The following MED17 variants were observed in gnomAD, a reference collection of about 807,000 sequenced individuals.
MED17 encodes the protein mediator of RNA polymerase II transcription subunit 17.
MED17 carries 49 observed loss-of-function variants against 80.8 expected under a neutral mutation model. The ratio of observed to expected loss-of-function variants is 0.61; its 90% CI spans 0.48 to 0.77. The LOEUF is 0.77. MED17 is among the 30% of genes least tolerant of loss of function. The pLI is 0.00. For synonymous variants in MED17, 281 were observed against 280.4 expected (o/e 1.00, Z -0.02); for missense variants, 718 against 787.0 (o/e 0.91, Z 1.05).
chr11:93,793,040 AG>A (rs1394245764), intron 3 of MED17: 2 of 150,130 alleles, frequency 1.3e-5, no homozygotes, highest in Non-Finnish European at 3.0e-5. Flanking sequence ...CAGAGCACTT[AG>A]TTGAAACCTT....
chr11:93,794,011 C>A lies in MED17; in HGVS notation c.835C>A (p.Arg279=). 1.2e-6 allele frequency: 2 copies of A among 1,613,846 alleles called. No homozygotes were observed. The highest frequency in any genetic ancestry group is 1.7e-6 in the Non-Finnish European group (2 of 1,179,890). ...GDLGTVNLFK[R]PLPKSKPGSP... Reference sequence around the variant, plus strand: ...CCTCGGCACAGTTAACCTCTTCAAACGACCTTTGCCCAAATCCAAACCAGG... The same window carrying A: ...CCTCGGCACAGTTAACCTCTTCAAAAGACCTTTGCCCAAATCCAAACCAGG... The change falls in exon 5 of 12, where the codon CGA becomes AGA. Residue 279 remains arginine, a synonymous_variant. Coordinates refer to ENST00000251871, the MANE Select transcript of MED17 (RefSeq NM_004268.5).
At chr11:93,791,200 A>G (rs188056209) in intron 3 of MED17, among the ~76,000 whole-genome samples, 2 of 152,340 alleles carry the variant, frequency 1.3e-5, no homozygotes, top group South Asian at 2.1e-4. Context: ...ACGTTTCAAA[A>G]TTTTAATTTC....
intron 1 of MED17, 22 bp downstream of exon 1, chr11:93,784,785 C>G (rs568096213): frequency 1.3e-6 from 2 of 1,534,496 alleles, no homozygotes; most frequent in Non-Finnish European, 1.7e-6. Context: ...ATCCGCTGCC[C>G]GAGTCCCCCG....
intron 6 of MED17, chr11:93,796,023 C>T (rs541923916): frequency 1.4e-4 from 36 of 264,892 alleles, no homozygotes; most frequent in South Asian, 1.2e-3. Context: ...TCTTGGCTCA[C>T]TGCAACCTGT....
At position 93,794,932 on chromosome 11, in the gene MED17, T is replaced by C. The variant is rs754743877; in HGVS notation, c.884T>C (p.Leu295Ser). Residue 295 changes from leucine (L) to serine (S), a missense_variant, in exon 6 of 12, where the codon TTA becomes TCA. Physicochemically the swap from Leu to Ser is moderately radical, Grantham distance 145. Transcript: ENST00000251871. ...KPGSPHWQTKLEAAQNVLLCK... is the reference protein window; with the variant it reads ...KPGSPHWQTKSEAAQNVLLCK... The stretch of plus-strand genomic sequence containing the variant: ...GGTTCCCCACATTGGCAGACAAAAT[T>C]AGAAGCGGCACAGAATGTTCTCTTA... 6.2e-7 allele frequency: 1 copy of C among 1,614,196 alleles called. No homozygotes were observed. The highest frequency in any genetic ancestry group is 2.2e-5 in the East Asian group (1 of 44,874).
At chr11:93,787,493 G>A (rs1943783160) in intron 1 of MED17, among the ~76,000 whole-genome samples, 1 of 152,040 alleles carries the variant, frequency 6.6e-6, no homozygotes, top group Non-Finnish European at 1.5e-5. Context: ...AGAATCGGGT[G>A]GGGAATGAAG....
chr11:93,796,606 G>A (rs2135714927), intron 7 of MED17, 66 bp downstream of exon 7: 1 of 1,566,104 alleles, frequency 6.4e-7, no homozygotes, highest in Non-Finnish European at 8.8e-7. Context: ...TATGCACAAA[G>A]CTCCTCTCGT....
chr11:93,798,553 C>T (rs1943929148), intron 8 of MED17, among the ~76,000 whole-genome samples: 1 of 152,008 alleles, frequency 6.6e-6, no homozygotes, highest in African/African-American at 2.4e-5. Flanking sequence ...TTAGGTCCTT[C>T]AGCTTTTAGT....
At position 93,794,009 on chromosome 11, in the gene MED17, A is replaced by T. The variant is rs374428019; in HGVS notation, c.833A>T (p.Lys278Ile). 1.2e-6 allele frequency: 2 copies of T among 1,613,914 alleles called. No individual in the cohort carries two copies. Among genetic ancestry groups the T allele is most frequent in the African/African-American group, 2.7e-5 (2 of 74,910 alleles). The change falls in exon 5 of 12, where the codon AAA (lysine) becomes ATA (isoleucine). Residue 278 changes from lysine (K) to isoleucine (I), a missense_variant. Physicochemically the swap from Lys to Ile is moderately radical, Grantham distance 102. Coordinates refer to ENST00000251871, the MANE Select transcript of MED17 (RefSeq NM_004268.5). Reference sequence around the variant, plus strand: ...GACCTCGGCACAGTTAACCTCTTCAAACGACCTTTGCCCAAATCCAAACCA... The same window carrying T: ...GACCTCGGCACAGTTAACCTCTTCATACGACCTTTGCCCAAATCCAAACCA... Reference protein sequence around the residue: ...IGDLGTVNLFKRPLPKSKPGS... With the variant: ...IGDLGTVNLFIRPLPKSKPGS...
At chr11:93,811,710 CTG>C in intron 11 of MED17, 141 bp from the exon 12 acceptor site, 1 of 712,710 alleles carries the variant, frequency 1.4e-6, no homozygotes, top group Non-Finnish European at 2.4e-6. Context: ...CATGTTGAAA[CTG>C]AAAAAGCACT....
intron 8 of MED17, among the ~76,000 whole-genome samples, chr11:93,798,642 T>G (rs943223390): frequency 6.6e-6 from 1 of 152,184 alleles, no homozygotes; most frequent in Non-Finnish European, 1.5e-5. Context: ...GAAAGGTGTG[T>G]AAGCCAAGGC....
rs138880935 is a variant in MED17, at chr11:93,787,871, TAAATA to T, written c.251-128_251-124del. Reference sequence around the variant, plus strand: ...TTAAGAAACGGTAGAGGAGATGGCATAAATAAGAGAACAATTTGAAATTTAATTAA... The same window carrying T: ...TTAAGAAACGGTAGAGGAGATGGCATAGAGAACAATTTGAAATTTAATTAA... On this transcript the variant is annotated intron_variant, in intron 1 of 11. Transcript: ENST00000251871. 2,909 of 824,430 alleles carry T rather than the reference TAAATA, an allele frequency of 3.5e-3. 100 individuals carry two copies. The East Asian group carries it at 0.073, about 21-fold the overall frequency. 51.1% of individuals were successfully genotyped at this position (824,430 alleles called of 1,614,324 possible).
At position 93,793,755 on chromosome 11, in the gene MED17, T is replaced by G. The variant is rs754108222; in HGVS notation, c.665T>G (p.Phe222Cys). ...TCTCTCTTTCCTCATCATGGTACATTTGAAGTAATAAAGAATACAGATCTC... is the reference window on the plus strand; with the variant it reads ...TCTCTCTTTCCTCATCATGGTACATGTGAAGTAATAAAGAATACAGATCTC... ...AGSLFPHHGT[F>C]EVIKNTDLDL... Residue 222 changes from phenylalanine to cysteine, a missense_variant, in exon 4 of 12, where the codon TTT becomes TGT. Physicochemically the swap from Phe to Cys is radical, Grantham distance 205. Coordinates refer to ENST00000251871, the MANE Select transcript of MED17 (RefSeq NM_004268.5). 2.5e-6 allele frequency: 4 copies of G among 1,585,002 alleles called. No individual in the cohort carries two copies. The highest frequency in any genetic ancestry group is 8.7e-7 in the Non-Finnish European group (1 of 1,154,952).
chr11:93,794,531 T>A, intron 5 of MED17: 1 of 265,342 alleles, frequency 3.8e-6, no homozygotes, highest in South Asian at 4.5e-5. Flanking sequence ...TTACTGGTTT[T>A]TTGTGTTAAA....
At position 93,812,308 on chromosome 11, in the gene MED17, T is replaced by G. The variant is rs1331157072; in HGVS notation, c.*244T>G. ...AAGATGTAAAATAATATGTTTTTCATGCAGTTTAAAATATTACTAACTTAA... is the reference window on the plus strand; with the variant it reads ...AAGATGTAAAATAATATGTTTTTCAGGCAGTTTAAAATATTACTAACTTAA... On this transcript the variant is annotated 3_prime_UTR_variant, in exon 12 of 12. Transcript: ENST00000251871. 8 of 571,974 alleles carry G rather than the reference T, an allele frequency of 1.4e-5. No individual in the cohort carries two copies. The highest frequency in any genetic ancestry group is 1.3e-4 in the Admixed American group (4 of 31,330). The allele number at this position is 571,974 out of a possible 1,614,324, so 35.4% of individuals were successfully genotyped here.
At chr11:93,793,563 C>A in intron 3 of MED17, 165 bp from the exon 4 acceptor site, 1 of 568,240 alleles carries the variant, frequency 1.8e-6, no homozygotes. Flanking sequence ...ATCTTTCTTT[C>A]CTTTGTTCAC....
intron 8 of MED17, 125 bp downstream of exon 8, chr11:93,797,844 G>A (rs562098963): frequency 9.4e-6 from 8 of 847,710 alleles, no homozygotes; most frequent in Non-Finnish European, 1.5e-5. Context: ...GAGGTGGTAA[G>A]AGTTTATTTG....
intron 9 of MED17, among the ~76,000 whole-genome samples, chr11:93,803,993 GTGTGTGTATATA>G (rs1339992071): frequency 4.3e-4 from 1 of 2,318 alleles, no homozygotes; most frequent in African/African-American, 6.4e-4. Flanking sequence ...GTGTATATAT[GTGTGTGTATATA>G]TATATATATA....
chr11:93,809,865 A>C lies in MED17; in HGVS notation c.1733A>C (p.Tyr578Ser). Reference sequence around the variant, plus strand: ...ACGGTGGCCTCCCCAAGTGGTGACTATGCTATTTCAGGTACTTTCTGCTGC... The same window carrying C: ...ACGGTGGCCTCCCCAAGTGGTGACTCTGCTATTTCAGGTACTTTCTGCTGC... ...AITVASPSGD[Y>S]AISVRNGPES... Residue 578 changes from tyrosine to serine, a missense_variant, in exon 11 of 12, where the codon TAT becomes TCT. Physicochemically the swap from Tyr to Ser is moderately radical, Grantham distance 144. Transcript: ENST00000251871. The C allele has an allele frequency of 6.2e-7, 1 of 1,614,214 alleles. No homozygotes were observed. Among genetic ancestry groups the C allele is most frequent in the Non-Finnish European group, 8.5e-7 (1 of 1,180,030 alleles).
Sources: allele counts gnomAD v4.1 joint callset (sites outside exome capture counted in the v4.1 genomes callset), GRCh38; gene constraint gnomAD v4.1.1; transcripts MANE v1.5; gene names NCBI Gene and HGNC (gene_info 2026-07-23, HGNC 2026-07-21).